Variants in RAB1A observed in about 807,000 individuals in gnomAD.
The protein encoded by RAB1A is ras-related protein Rab-1A.
Under a neutral mutation model 26.0 loss-of-function variants are expected in RAB1A, and 2 were observed. The observed-to-expected ratio is 0.08, with a 90% CI of 0.03 to 0.24. The LOEUF (loss-of-function observed/expected upper bound fraction) is 0.24, where lower values mean the gene tolerates loss of function less well. Ranked by LOEUF, RAB1A falls within the 10% of genes least tolerant of loss-of-function variation. The pLI is 1.00. For missense variants in RAB1A, 100 were observed against 247.0 expected (o/e 0.40, Z 3.99); for synonymous variants, 84 against 84.9 (o/e 0.99, Z 0.06).
At chr2:65,120,885 T>C (rs1036285530) in intron 1 of RAB1A, among the ~76,000 whole-genome samples, 1 of 152,170 alleles carries the variant, frequency 6.6e-6, no homozygotes, top group Non-Finnish European at 1.5e-5. Context: ...TTGGAAAACA[T>C]GAATTACATA....
At chr2:65,096,598 T>C (rs1245544004) in intron 3 of RAB1A, among the ~76,000 whole-genome samples, 5 of 152,198 alleles carry the variant, frequency 3.3e-5, no homozygotes, top group African/African-American at 4.8e-5. Context: ...AAATAAAAGG[T>C]TGAGACTGTA....
At chr2:65,095,137 A>C (rs1669253141) in intron 3 of RAB1A, among the ~76,000 whole-genome samples, 1 of 152,182 alleles carries the variant, frequency 6.6e-6, no homozygotes, top group Non-Finnish European at 1.5e-5. Flanking sequence ...GAAAAAAAGA[A>C]GAATCACTAG....
At chr2:65,125,968 T>C (rs1434151591) in intron 1 of RAB1A, among the ~76,000 whole-genome samples, 2 of 143,350 alleles carry the variant, frequency 1.4e-5, no homozygotes, top group Admixed American at 1.5e-4. Context: ...ACCTCCGAGG[T>C]TCAAGAGATT....
Position 65,091,684 on chromosome 2 carries a change from C to T in RAB1A, c.193-606G>A, listed in dbSNP as rs141928877. The stretch of plus-strand genomic sequence containing the variant: ...GGGACTACAGGCACATGCCACCACA[C>T]CCGGCTAATTTTTTCTTTTTTGTAG... On this transcript the variant is annotated intron_variant, in intron 3 of 5. Coordinates refer to ENST00000409784, the MANE Select transcript of RAB1A (RefSeq NM_004161.5). Among the ~76,000 whole-genome samples the T allele has an allele frequency of 7.5e-3, 1,143 of 152,218 alleles. 12 individuals are homozygous for T. Among genetic ancestry groups the T allele is most frequent in the African/African-American group, 0.026 (1,084 of 41,536 alleles).
In RAB1A at chr2:65,099,133, G is replaced by C. The variant is rs150938575; in HGVS notation, c.97-1067C>G. ...ATTACAGGTGTGAGCCACCATGCCTGGCCCATTTTATTGGCTGAATAATAT... is the reference window on the plus strand; with the variant it reads ...ATTACAGGTGTGAGCCACCATGCCTCGCCCATTTTATTGGCTGAATAATAT... On this transcript the variant is annotated intron_variant, in intron 2 of 5. Coordinates refer to ENST00000409784, the MANE Select transcript of RAB1A (RefSeq NM_004161.5). 2.7e-4 allele frequency among the ~76,000 whole-genome samples: 41 copies of C among 151,588 alleles called. 1 individual carries two copies. The East Asian group carries it at 5.3e-3, about 19-fold the overall frequency.
chr2:65,098,101 G>T, intron 2 of RAB1A, 35 bp from the exon 3 acceptor site: 3 of 1,235,558 alleles, frequency 2.4e-6, no homozygotes, highest in Non-Finnish European at 3.3e-6. Flanking sequence ...TAAATGTATT[G>T]TTCAGTGGAG....
chr2:65,120,980 G>C (rs1669950344), intron 1 of RAB1A, among the ~76,000 whole-genome samples: 1 of 152,164 alleles, frequency 6.6e-6, no homozygotes, highest in South Asian at 2.1e-4. Context: ...AGATGGCCAA[G>C]TGAGGTGGGT....
intron 3 of RAB1A, among the ~76,000 whole-genome samples, chr2:65,095,084 C>T (rs1669251541): frequency 6.6e-6 from 1 of 152,064 alleles, no homozygotes; most frequent in South Asian, 2.1e-4. Flanking sequence ...GACCGCTGCA[C>T]TCTAGCGAGG....
intron 1 of RAB1A, among the ~76,000 whole-genome samples, chr2:65,121,064 T>C (rs76866158): frequency 3.3e-5 from 5 of 151,758 alleles, no homozygotes; most frequent in African/African-American, 1.2e-4. Flanking sequence ...GAGACCAGCA[T>C]AGGCAACATA....
At chr2:65,092,708 G>A (rs1669199943) in intron 3 of RAB1A, among the ~76,000 whole-genome samples, 1 of 152,154 alleles carries the variant, frequency 6.6e-6, no homozygotes. Flanking sequence ...TGAACTCCTG[G>A]GCTCAAGTGT....
chr2:65,097,995 G>A lies in RAB1A; in HGVS notation c.168C>T (p.Asp56=), dbSNP rs770692009. ...CTATTTGAAGCTTGATTGTTTTCCCGTCTAACTCTATAGTTCTTATTTTGA... is the reference window on the plus strand; with the variant it reads ...CTATTTGAAGCTTGATTGTTTTCCCATCTAACTCTATAGTTCTTATTTTGA... ...VDFKIRTIEL[D]GKTIKLQIWD... The change falls in exon 3 of 6, where the codon GAC becomes GAT. Residue 56 remains aspartate (D), a synonymous_variant. Coordinates refer to ENST00000409784, the MANE Select transcript of RAB1A (RefSeq NM_004161.5). 1.5e-5 allele frequency: 24 copies of A among 1,573,090 alleles called. No homozygotes were observed. Among genetic ancestry groups the A allele is most frequent in the East Asian group, 4.5e-5 (2 of 43,970 alleles).
chr2:65,119,318 C>A (rs1344714163), intron 1 of RAB1A, among the ~76,000 whole-genome samples: 3 of 151,852 alleles, frequency 2.0e-5, no homozygotes, highest in Non-Finnish European at 4.4e-5. Flanking sequence ...CCAGCGTGGT[C>A]AACATGGTGA....
chr2:65,102,464 C>G (rs2103843837), intron 2 of RAB1A, among the ~76,000 whole-genome samples: 1 of 152,120 alleles, frequency 6.6e-6, no homozygotes, highest in South Asian at 2.1e-4. Flanking sequence ...GTGGTAAACT[C>G]TAAGTTTTTT....
intron 2 of RAB1A, among the ~76,000 whole-genome samples, chr2:65,103,070 CT>C (rs575149906): frequency 1.1e-3 from 174 of 152,086 alleles, no homozygotes; most frequent in Admixed American, 4.6e-3. Flanking sequence ...TTCTCCAGCA[CT>C]TTGGGAGGCT....
At chr2:65,111,179 C>G (rs754682474) in intron 1 of RAB1A, among the ~76,000 whole-genome samples, 16 of 151,806 alleles carry the variant, frequency 1.1e-4, no homozygotes, top group East Asian at 1.9e-4. Context: ...CTGGGCAACA[C>G]GGTGAAACTG....
intron 1 of RAB1A, among the ~76,000 whole-genome samples, chr2:65,123,072 T>G (rs949981574): frequency 9.8e-6 from 1 of 101,802 alleles, no homozygotes; most frequent in Non-Finnish European, 1.9e-5. Flanking sequence ...ATAGGTATAG[T>G]CAAAACTACC....
At chr2:65,096,078 G>GGGAGGC (rs1669276045) in intron 3 of RAB1A, among the ~76,000 whole-genome samples, 1 of 152,068 alleles carries the variant, frequency 6.6e-6, no homozygotes, top group East Asian at 1.9e-4. Flanking sequence ...GCTTGAACCT[G>GGGAGGC]GGAGGCGGAG....
chr2:65,103,617 T>C (rs1284219756), intron 2 of RAB1A, among the ~76,000 whole-genome samples: 1 of 152,112 alleles, frequency 6.6e-6, no homozygotes, highest in Non-Finnish European at 1.5e-5. Context: ...ATTAGTATTA[T>C]TACCAAGTAA....
intron 1 of RAB1A, chr2:65,105,504 T>C: frequency 1.2e-5 from 1 of 80,068 alleles, no homozygotes; most frequent in Non-Finnish European, 2.1e-5. Context: ...AGAACGAAAC[T>C]CTGTCTCAAA....
Sources: allele counts gnomAD v4.1 joint callset (sites outside exome capture counted in the v4.1 genomes callset), GRCh38; gene constraint gnomAD v4.1.1; transcripts MANE v1.5; gene names NCBI Gene and HGNC (gene_info 2026-07-23, HGNC 2026-07-21).